DPP10: variants seen among roughly 807,000 people sequenced by gnomAD.
The protein encoded by DPP10 is inactive dipeptidyl peptidase 10.
A neutral mutation model predicts 120.9 loss-of-function variants in DPP10; 33 were observed. The observed-to-expected ratio is 0.27, with a 90% CI of 0.21 to 0.37. The LOEUF is 0.37. Ranked by LOEUF, DPP10 falls within the 10% of genes least tolerant of loss-of-function variation. DPP10 has a pLI of 1.00. For missense variants in DPP10, 816 were observed against 942.8 expected (o/e 0.87, Z 1.76); for synonymous variants, 337 against 326.1 (o/e 1.03, Z -0.36).
At chr2:115,683,949 T>TA (rs1323344607) in intron 5 of DPP10, among the ~76,000 whole-genome samples, 1 of 151,776 alleles carries the variant, frequency 6.6e-6, no homozygotes, top group Admixed American at 6.6e-5. Context: ...TCGGTATAAA[T>TA]AAAAAATCGC....
rs543312508 is a variant in DPP10 at position 115,471,145 on chromosome 2, C to T, written c.272-28365C>T. Among the ~76,000 whole-genome samples, 3 of 152,218 alleles carry T rather than the reference C, an allele frequency of 2.0e-5. No homozygotes were observed. In the East Asian group the frequency reaches 5.8e-4, roughly 29 times the overall value. On this transcript the variant is annotated intron_variant, in intron 3 of 25. Coordinates refer to ENST00000410059, the MANE Select transcript of DPP10 (RefSeq NM_020868.6). ...TAATTTATTTTCATAACCAATATTA[C>T]AGTAAATTCATTAAGCATATACACG...
At chr2:115,189,548 T>G (rs1372385286) in intron 1 of DPP10, among the ~76,000 whole-genome samples, 1 of 152,192 alleles carries the variant, frequency 6.6e-6, no homozygotes, top group Non-Finnish European at 1.5e-5. Context: ...GACATACTGA[T>G]TCTTTGAAGA....
intron 1 of DPP10, among the ~76,000 whole-genome samples, chr2:115,280,461 A>G (rs1000623334): frequency 1.3e-5 from 2 of 152,202 alleles, no homozygotes; most frequent in African/African-American, 4.8e-5. Flanking sequence ...CAATAAGTAA[A>G]TATCAGTCCT....
intron 11 of DPP10, among the ~76,000 whole-genome samples, chr2:115,761,966 CAT>C (rs1256319678): frequency 6.6e-6 from 1 of 152,128 alleles, no homozygotes; most frequent in African/African-American, 2.4e-5. Context: ...TTTTTCTACA[CAT>C]ATTTAACGAG....
At chr2:115,304,096 T>G (rs1037340828) in intron 1 of DPP10, among the ~76,000 whole-genome samples, 2 of 152,082 alleles carry the variant, frequency 1.3e-5, no homozygotes, top group Non-Finnish European at 2.9e-5. Context: ...TTGACATTAC[T>G]TACCGTTGAA....
intron 5 of DPP10, among the ~76,000 whole-genome samples, chr2:115,686,225 G>A (rs2090980912): frequency 6.6e-6 from 1 of 152,032 alleles, no homozygotes. Context: ...CAAGCATAGT[G>A]ATGAAGAGTT....
At chr2:115,331,654 G>T (rs1049705552) in intron 2 of DPP10, among the ~76,000 whole-genome samples, 21 of 152,078 alleles carry the variant, frequency 1.4e-4, no homozygotes, top group Admixed American at 7.9e-4. Flanking sequence ...TTTTGTCAAA[G>T]GCCTTTTCTG....
At chr2:114,665,234 C>T (rs75256868) in intron 1 of DPP10, among the ~76,000 whole-genome samples, 13,714 of 152,162 alleles carry the variant, frequency 0.09, 943 homozygotes, top group Admixed American at 0.2. Context: ...CAGAGAACAC[C>T]GCACCCAAGT....
intron 1 of DPP10, among the ~76,000 whole-genome samples, chr2:115,073,794 T>A (rs1455077520): frequency 6.6e-6 from 1 of 152,230 alleles, no homozygotes; most frequent in East Asian, 1.9e-4. Context: ...CAATGAAAGA[T>A]AATCTGTGTA....
chr2:115,509,010 A>G (rs1204582469), intron 4 of DPP10, among the ~76,000 whole-genome samples: 1 of 152,150 alleles, frequency 6.6e-6, no homozygotes, highest in African/African-American at 2.4e-5. Flanking sequence ...ATTAGAAACA[A>G]AGAATGCCAT....
intron 1 of DPP10, among the ~76,000 whole-genome samples, chr2:114,844,214 C>A (rs1049973577): frequency 6.6e-6 from 1 of 152,076 alleles, no homozygotes; most frequent in African/African-American, 2.4e-5. Context: ...GCACAATAAT[C>A]TTTGTGCAGT....
intron 19 of DPP10, among the ~76,000 whole-genome samples, chr2:115,801,462 C>T (rs1443674636): frequency 2.0e-5 from 3 of 152,158 alleles, no homozygotes; most frequent in African/African-American, 4.8e-5. Flanking sequence ...GCCAGAACTT[C>T]CAACACTATG....
At chr2:115,633,041 G>A (rs941596204) in intron 5 of DPP10, among the ~76,000 whole-genome samples, 3 of 152,180 alleles carry the variant, frequency 2.0e-5, no homozygotes, top group African/African-American at 7.2e-5. Flanking sequence ...CAAGGATCTA[G>A]AACTAGAAAT....
intron 5 of DPP10, among the ~76,000 whole-genome samples, chr2:115,632,431 T>C (rs949599072): frequency 6.6e-6 from 1 of 151,876 alleles, no homozygotes; most frequent in Non-Finnish European, 1.5e-5. Flanking sequence ...GTTTGATTTG[T>C]GTGTCCTTGG....
chr2:115,524,431 GGTCCCCAGCACAGGA>G (rs1307054830), intron 4 of DPP10, among the ~76,000 whole-genome samples: 2 of 152,174 alleles, frequency 1.3e-5, no homozygotes, highest in Admixed American at 1.3e-4. Flanking sequence ...TGTCTGAAGG[GGTCCCCAGCACAGGA>G]GGCTCTTTCT....
intron 1 of DPP10, among the ~76,000 whole-genome samples, chr2:115,035,880 G>C (rs2105270915): frequency 6.6e-6 from 1 of 152,234 alleles, no homozygotes; most frequent in East Asian, 1.9e-4. Context: ...TTTTTCCTCT[G>C]ATACATTTGT....
chr2:114,799,157 T>C (rs1327092780), intron 1 of DPP10, among the ~76,000 whole-genome samples: 1 of 152,110 alleles, frequency 6.6e-6, no homozygotes, highest in African/African-American at 2.4e-5. Flanking sequence ...AAAGTTTATA[T>C]TAAAGAATAA....
At chr2:114,473,394 T>A (rs1043530088) in intron 1 of DPP10, among the ~76,000 whole-genome samples, 1 of 151,688 alleles carries the variant, frequency 6.6e-6, no homozygotes, top group Non-Finnish European at 1.5e-5. Flanking sequence ...AACTGCCTAA[T>A]ATTATGCTTC....
At chr2:115,162,158 T>A (rs2052436886) in intron 1 of DPP10, 3 of 1,542,222 alleles carry the variant, frequency 1.9e-6, no homozygotes, top group Non-Finnish European at 1.7e-6. Flanking sequence ...CCGCCCCAGT[T>A]CCAGGCTCTC....
Sources: gnomAD v4.1 joint callset for allele counts (sites outside exome capture counted in the v4.1 genomes callset) on GRCh38, gnomAD v4.1.1 for gene constraint, MANE v1.5 for transcripts, NCBI Gene and HGNC (gene_info 2026-07-23, HGNC 2026-07-21) for gene names.